Variants in ENOX1 observed in about 807,000 individuals in gnomAD.
ENOX1 encodes the protein ecto-NOX disulfide-thiol exchanger 1.
A neutral mutation model predicts 82.5 loss-of-function variants in ENOX1; 42 were observed. The observed-to-expected ratio is 0.51, with a 90% CI of 0.40 to 0.66. ENOX1 has a LOEUF of 0.66. Among genes scored for constraint, ENOX1 ranks in the 30% least tolerant of loss-of-function variants. The pLI is 0.00. For missense variants in ENOX1, 608 were observed against 811.6 expected, an observed-to-expected ratio of 0.75 and a Z score of 3.05; for synonymous variants, 271 against 282.2, an observed-to-expected ratio of 0.96 and a Z score of 0.40.
chr13:43,658,920 T>C (rs373552424), intron 2 of ENOX1, among the ~76,000 whole-genome samples: 1 of 152,170 alleles, frequency 6.6e-6, no homozygotes, highest in Middle Eastern at 3.2e-3. Context: ...TCAGGAAACT[T>C]CTGTTTTTGA....
At position 43,323,202 on chromosome 13, in the gene ENOX1, T is replaced by C. The variant is rs1356676606; in HGVS notation, c.1144-701A>G. Among the ~76,000 whole-genome samples the C allele has an allele frequency of 4.6e-5, 7 of 152,358 alleles. No homozygotes were observed. The East Asian group carries it at 1.3e-3, about 29-fold the overall frequency. The stretch of plus-strand genomic sequence containing the variant: ...TATCCAAAATTCAAAATTAGTAAGA[T>C]GTTAGGGAACAAAACACAAACAGAT... On this transcript the variant is annotated intron_variant, in intron 10 of 16. Coordinates refer to ENST00000690772, the MANE Select transcript of ENOX1 (RefSeq NM_001347969.2).
chr13:43,647,456 G>C (rs1273640669), intron 2 of ENOX1, among the ~76,000 whole-genome samples: 2 of 152,128 alleles, frequency 1.3e-5, no homozygotes, highest in Non-Finnish European at 2.9e-5. Context: ...ACTTCCCCAG[G>C]GTCTCCATAT....
intron 2 of ENOX1, among the ~76,000 whole-genome samples, chr13:43,650,508 G>A (rs936612975): frequency 6.6e-6 from 1 of 152,026 alleles, no homozygotes; most frequent in Non-Finnish European, 1.5e-5. Context: ...TTAGGTCAGG[G>A]GAGGTACCTA....
At chr13:43,440,468 A>AT (rs1333069425) in intron 3 of ENOX1, among the ~76,000 whole-genome samples, 2 of 152,168 alleles carry the variant, frequency 1.3e-5, no homozygotes, top group African/African-American at 4.8e-5. Flanking sequence ...AACTCACGAC[A>AT]TTTTTAAAGA....
intron 14 of ENOX1, among the ~76,000 whole-genome samples, chr13:43,253,773 C>T (rs768061037): frequency 2.1e-5 from 3 of 142,128 alleles, no homozygotes; most frequent in Non-Finnish European, 4.6e-5. Context: ...TGTCCCCTCC[C>T]CTGCTGCCTT....
At chr13:43,703,157 G>T (rs2153809570) in intron 1 of ENOX1, among the ~76,000 whole-genome samples, 1 of 152,008 alleles carries the variant, frequency 6.6e-6, no homozygotes, top group Non-Finnish European at 1.5e-5. Context: ...CTATTCTATG[G>T]TATTTTGTTA....
At chr13:43,351,814 T>C (rs550373662) in intron 8 of ENOX1, among the ~76,000 whole-genome samples, 2 of 151,872 alleles carry the variant, frequency 1.3e-5, no homozygotes, top group South Asian at 4.2e-4. Context: ...ATTTTCTTAA[T>C]CCAGTCTATC....
intron 2 of ENOX1, among the ~76,000 whole-genome samples, chr13:43,486,956 T>A (rs541962319): frequency 6.6e-6 from 1 of 152,190 alleles, no homozygotes. Context: ...GCAGATCACC[T>A]GAGGTCAGGA....
At chr13:43,323,419 A>G (rs2047926994) in intron 10 of ENOX1, among the ~76,000 whole-genome samples, 1 of 152,252 alleles carries the variant, frequency 6.6e-6, no homozygotes, top group South Asian at 2.1e-4. Flanking sequence ...AGGAATAATA[A>G]TACAAGGCTG....
chr13:43,609,971 G>C (rs2082130105), intron 2 of ENOX1: 1 of 869,970 alleles, frequency 1.1e-6, no homozygotes, highest in Non-Finnish European at 1.4e-6. Context: ...TTTTAGAGTT[G>C]TTTTATCAGG....
In ENOX1 at chr13:43,361,312, A is replaced by G. The variant is rs370416367; in HGVS notation, c.349T>C (p.Cys117Arg). 9.3e-6 allele frequency: 15 copies of G among 1,613,830 alleles called. No individual in the cohort carries two copies. Among genetic ancestry groups the G allele is most frequent in the African/African-American group, 4.0e-5 (3 of 74,912 alleles). ...TGAGGAAAAAGAGTACAGCTTTTGC[A>G]GTGGATTATTTCTTTGACAACAGCC... ...EVAVVKEIIH[C>R]KSCTLFPQNP... The change falls in exon 6 of 17, where the codon TGC (cysteine) becomes CGC (arginine). Residue 117 changes from cysteine to arginine, a missense_variant. Coordinates refer to ENST00000690772, the MANE Select transcript of ENOX1 (RefSeq NM_001347969.2).
intron 1 of ENOX1, among the ~76,000 whole-genome samples, chr13:43,677,376 A>G (rs2085559389): frequency 6.6e-6 from 1 of 152,162 alleles, no homozygotes; most frequent in Admixed American, 6.5e-5. Flanking sequence ...AAGATTCAAG[A>G]TGAGGGCTTT....
intron 2 of ENOX1, among the ~76,000 whole-genome samples, chr13:43,628,280 C>T (rs2083056140): frequency 6.6e-6 from 1 of 152,068 alleles, no homozygotes; most frequent in East Asian, 1.9e-4. Context: ...AGGTGCTGTT[C>T]ATTATTTGCT....
At position 43,644,259 on chromosome 13, in the gene ENOX1, T is replaced by C. The variant is rs58128113; in HGVS notation, c.-219+23220A>G. On this transcript the variant is annotated intron_variant, in intron 2 of 16. Coordinates refer to ENST00000690772, the MANE Select transcript of ENOX1 (RefSeq NM_001347969.2). ...GATTAGTATGTGAGTGGCTGGTAAATAATTAATTTTATAGTGAGTGACATA... is the reference window on the plus strand; with the variant it reads ...GATTAGTATGTGAGTGGCTGGTAAACAATTAATTTTATAGTGAGTGACATA... Among the ~76,000 whole-genome samples, 28 of 152,304 alleles carry C rather than the reference T, an allele frequency of 1.8e-4. No homozygotes were observed. The East Asian group carries it at 5.2e-3, about 28-fold the overall frequency.
At chr13:43,661,311 G>C (rs955394131) in intron 2 of ENOX1, among the ~76,000 whole-genome samples, 1 of 152,148 alleles carries the variant, frequency 6.6e-6, no homozygotes, top group African/African-American at 2.4e-5. Context: ...AGAATACTGT[G>C]CGCGTTGCAA....
At chr13:43,528,170 G>T (rs769828486) in intron 2 of ENOX1, among the ~76,000 whole-genome samples, 1 of 152,084 alleles carries the variant, frequency 6.6e-6, no homozygotes, top group Non-Finnish European at 1.5e-5. Flanking sequence ...ACCTATGACA[G>T]ACTTCTAGAC....
At chr13:43,293,807 ACAAAACTAACTGGGGTTACTTTGTATTT>A (rs2046142867) in intron 12 of ENOX1, among the ~76,000 whole-genome samples, 5 of 152,228 alleles carry the variant, frequency 3.3e-5, no homozygotes, top group Admixed American at 2.6e-4. Context: ...CCAACATCTG[ACAAAACTAACTGGGGTTACTTTGTATTT>A]TAGGAAAGTA....
intron 10 of ENOX1, among the ~76,000 whole-genome samples, chr13:43,324,655 A>C (rs4942212): frequency 0.2 from 29,961 of 152,136 alleles, 3,825 homozygotes; most frequent in East Asian, 0.55. Context: ...CAGGAAGGCA[A>C]AAAGACCCTT....
chr13:43,267,154 C>A (rs1422733520), intron 13 of ENOX1, among the ~76,000 whole-genome samples: 1 of 152,134 alleles, frequency 6.6e-6, no homozygotes, highest in Non-Finnish European at 1.5e-5. Flanking sequence ...AGCTGCAGCT[C>A]CAGGACAGCT....
Sources: gnomAD v4.1 joint callset for allele counts (sites outside exome capture counted in the v4.1 genomes callset) on GRCh38, gnomAD v4.1.1 for gene constraint, MANE v1.5 for transcripts, NCBI Gene and HGNC (gene_info 2026-07-23, HGNC 2026-07-21) for gene names.